The following OVCH1 variants were observed in gnomAD, a reference collection of about 807,000 sequenced individuals.
OVCH1 encodes the protein ovochymase-1.
In OVCH1, 139 loss-of-function variants were observed where a neutral mutation model predicts 138.4. The observed-to-expected ratio is 1.00, with a 90% CI of 0.87 to 1.16. The LOEUF is 1.16. Among genes scored for constraint, OVCH1 ranks in the 50% most tolerant of loss-of-function variants. The probability of loss-of-function intolerance (pLI) is 0.00; values close to 1 mark genes in which losing one functional copy is unlikely to be tolerated. For synonymous variants in OVCH1, 453 were observed against 467.8 expected (o/e 0.97, Z 0.41); for missense variants, 1,367 against 1,357.9 (o/e 1.01, Z -0.11).
intron 25 of OVCH1, among the ~76,000 whole-genome samples, chr12:29,439,990 T>G (rs1941445435): frequency 6.6e-6 from 1 of 152,194 alleles, no homozygotes; most frequent in Non-Finnish European, 1.5e-5. Flanking sequence ...CCTCCGTGTG[T>G]TCACCAACCC....
chr12:29,461,926 G>T (rs1362636777), exon 19 of OVCH1: 2 of 1,613,724 alleles, frequency 1.2e-6, no homozygotes, highest in Non-Finnish European at 1.7e-6. Context: ...CTCCTGGATG[G>T]GCAGAATAGT....
At chr12:29,439,279 T>G in intron 26 of OVCH1, 2 of 1,370,210 alleles carry the variant, frequency 1.5e-6, no homozygotes, top group South Asian at 4.1e-5. Flanking sequence ...TTCTTTTTGT[T>G]AAGATGTTAT....
intron 27 of OVCH1, among the ~76,000 whole-genome samples, chr12:29,431,676 G>A (rs7295922): frequency 0.22 from 32,668 of 151,758 alleles, 4,607 homozygotes; most frequent in African/African-American, 0.41. Context: ...TTCTCATAGC[G>A]TGTTTTATCT....
intron 25 of OVCH1, chr12:29,439,498 A>G (rs1941433412): frequency 7.0e-7 from 1 of 1,421,696 alleles, no homozygotes; most frequent in Non-Finnish European, 9.1e-7. Flanking sequence ...AAAACAAAAA[A>G]CAAACTTCTC....
chr12:29,450,778 A>G (rs2135941866), intron 22 of OVCH1, among the ~76,000 whole-genome samples: 1 of 152,304 alleles, frequency 6.6e-6, no homozygotes, highest in Non-Finnish European at 1.5e-5. Context: ...AATGCCCATC[A>G]ATGATAGACT....
intron 19 of OVCH1, among the ~76,000 whole-genome samples, chr12:29,459,072 G>C (rs918399190): frequency 6.3e-4 from 96 of 152,074 alleles, no homozygotes; most frequent in Non-Finnish European, 2.2e-4. Context: ...ATACAGAATA[G>C]TGTGGACATT....
chr12:29,405,044 A>AAC, the OVCH1 span, among the ~76,000 whole-genome samples: 1 of 145,824 alleles, frequency 6.9e-6, no homozygotes, highest in Non-Finnish European at 1.5e-5. Flanking sequence ...AAAAAAAAAA[A>AAC]AAAAAAAAAA....
At chr12:29,433,856 CTG>C in intron 26 of OVCH1, 2 of 1,333,702 alleles carry the variant, frequency 1.5e-6, no homozygotes, top group South Asian at 3.0e-5. Flanking sequence ...GCCTCCCAAA[CTG>C]TATTTCAATT....
At chr12:29,408,873 A>G (rs1001401928), downstream of OVCH1, among the ~76,000 whole-genome samples, 28 of 152,158 alleles carry the variant, frequency 1.8e-4, no homozygotes, top group Admixed American at 1.5e-3. Flanking sequence ...GAATAGTTTC[A>G]GAAGGAATGG....
intron 3 of OVCH1, among the ~76,000 whole-genome samples, chr12:29,415,422 C>T (rs1010819245): frequency 2.0e-5 from 3 of 152,154 alleles, no homozygotes; most frequent in African/African-American, 7.2e-5. Flanking sequence ...TGCTTCTTAA[C>T]CTTGGCTGCA....
intron 6 of OVCH1, 79 bp from the exon 7 acceptor site, chr12:29,487,961 C>CCTG: frequency 7.4e-7 from 1 of 1,360,508 alleles, no homozygotes; most frequent in Non-Finnish European, 9.9e-7. Context: ...AACATCAGCA[C>CCTG]TCATCACAAA....
chr12:29,484,242 A>G (rs570797266), intron 8 of OVCH1, among the ~76,000 whole-genome samples: 58 of 152,214 alleles, frequency 3.8e-4, no homozygotes, highest in Non-Finnish European at 7.3e-4. Context: ...ACTATTTTCC[A>G]TCTTGTAGGT....
chr12:29,423,298 G>A, downstream of OVCH1: 1 of 455,734 alleles, frequency 2.2e-6, no homozygotes, highest in Non-Finnish European at 4.4e-6. Context: ...ATGTAAATGA[G>A]CTGCAATGAA....
At position 29,451,354 on chromosome 12, in the gene OVCH1, TTCTC is replaced by T; in HGVS notation, c.2742_2745del (p.Lys916ArgfsTer13). The stretch of plus-strand genomic sequence containing the variant: ...TGCCAGGAAGGATTACCTGCCGTCT[TTCTC>T]TTACTGTGTCTTTCTTCATAAATAA... On this transcript the variant is annotated frameshift_variant, in exon 22 of 28. Transcript: ENST00000318184. LOFTEE classifies it high-confidence loss of function. 1 of 1,612,146 alleles carries T rather than the reference TTCTC, an allele frequency of 6.2e-7. No homozygotes were observed. The highest frequency in any genetic ancestry group is 8.5e-7 in the Non-Finnish European group (1 of 1,178,864).
In OVCH1 at chr12:29,481,130, G is replaced by A. The variant is rs79232539; in HGVS notation, c.996-2222C>T. Among the ~76,000 whole-genome samples the A allele has an allele frequency of 1.4e-4, 22 of 151,934 alleles. 2 individuals carry two copies. The East Asian group carries it at 2.9e-3, about 20-fold the overall frequency. ...GTGAATTTAGATGGTAGATCTGCAC[G>A]AGTATTAACCTGTAGTTCAAATTCT... On this transcript the variant is annotated intron_variant, in intron 8 of 27. Transcript: ENST00000318184.
the OVCH1 span, among the ~76,000 whole-genome samples, chr12:29,405,051 A>AAAAAACAAAAAAAAACAAAAAAC: frequency 7.1e-6 from 1 of 140,480 alleles, no homozygotes; most frequent in Non-Finnish European, 1.5e-5. Flanking sequence ...AAAAAAAAAA[A>AAAAAACAAAAAAAAACAAAAAAC]AAAAACAAAA....
chr12:29,495,115 G>A (rs1943378610), intron 4 of OVCH1, among the ~76,000 whole-genome samples, 170 bp downstream of exon 4: 1 of 152,138 alleles, frequency 6.6e-6, no homozygotes. Context: ...GGGACATGTA[G>A]CCTATACAGT....
chr12:29,423,304 A>G (rs1565563604), downstream of OVCH1: 1 of 455,746 alleles, frequency 2.2e-6, no homozygotes, highest in Admixed American at 2.4e-5. Flanking sequence ...ATGAGCTGCA[A>G]TGAAAGACAT....
chr12:29,441,653 G>A lies in OVCH1; in HGVS notation c.3157+1708C>T, dbSNP rs1264931109. On this transcript the variant is annotated intron_variant, in intron 25 of 27. Transcript: ENST00000318184. ...AATTAAACTAAAGAGCTTCTGCACA[G>A]CAAAAGAAACTAACATCAGATTGAA... Among the ~76,000 whole-genome samples, 25 of 152,108 alleles carry A rather than the reference G, an allele frequency of 1.6e-4. 1 individual carries two copies. Among genetic ancestry groups the A allele is most frequent in the Admixed American group, 1.6e-3 (25 of 15,272 alleles).
Sources: allele counts gnomAD v4.1 joint callset (sites outside exome capture counted in the v4.1 genomes callset), GRCh38; gene constraint gnomAD v4.1.1; transcripts MANE v1.5; gene names NCBI Gene and HGNC (gene_info 2026-07-23, HGNC 2026-07-21).